MRPS27: variants seen among roughly 807,000 people sequenced by gnomAD.
MRPS27 encodes the protein small ribosomal subunit protein mS27.
A neutral mutation model predicts 48.9 loss-of-function variants in MRPS27; 43 were observed. The ratio of observed to expected loss-of-function variants is 0.88; its 90% confidence interval spans 0.69 to 1.13. MRPS27 has a LOEUF of 1.13. Among genes scored for constraint, MRPS27 ranks in the 50% most tolerant of loss-of-function variants. The probability of loss-of-function intolerance (pLI) is 0.00; values close to 1 mark genes in which losing one functional copy is unlikely to be tolerated. For synonymous variants in MRPS27, 188 were observed against 171.9 expected, an observed-to-expected ratio of 1.09 and a Z score of -0.73; for missense variants, 467 against 476.3, an observed-to-expected ratio of 0.98 and a Z score of 0.18.
At chr5:72,296,018 A>G (rs1406477460) in intron 3 of MRPS27, among the ~76,000 whole-genome samples, 3 of 152,142 alleles carry the variant, frequency 2.0e-5, no homozygotes, top group Non-Finnish European at 4.4e-5. Context: ...CCAGAACATA[A>G]ACATCTAAAT....
chr5:72,318,463 T>C (rs1750621456), intron 1 of MRPS27, among the ~76,000 whole-genome samples: 1 of 152,202 alleles, frequency 6.6e-6, no homozygotes, highest in Non-Finnish European at 1.5e-5. Context: ...CAGGACAATA[T>C]CTAGATCATT....
chr5:72,298,807 CA>C (rs1750054627), intron 2 of MRPS27, among the ~76,000 whole-genome samples: 1 of 151,550 alleles, frequency 6.6e-6, no homozygotes, highest in African/African-American at 2.4e-5. Context: ...AACATTCTAC[CA>C]AAAAGACATA....
At chr5:72,286,837 G>A (rs2112043896) in intron 4 of MRPS27, among the ~76,000 whole-genome samples, 2 of 152,296 alleles carry the variant, frequency 1.3e-5, no homozygotes, top group South Asian at 4.1e-4. Context: ...GGGTGATGGT[G>A]ATACCAAAAT....
intron 4 of MRPS27, among the ~76,000 whole-genome samples, chr5:72,249,366 A>G (rs1165014608): frequency 6.6e-6 from 1 of 152,218 alleles, no homozygotes; most frequent in East Asian, 1.9e-4. Flanking sequence ...TGCCTTCAAT[A>G]AGGTTAGATT....
chr5:72,247,255 G>A (rs139338010), intron 4 of MRPS27, among the ~76,000 whole-genome samples: 1 of 152,080 alleles, frequency 6.6e-6, no homozygotes, highest in Non-Finnish European at 1.5e-5. Context: ...AAATACACTT[G>A]AACTCTGGAC....
intron 2 of MRPS27, among the ~76,000 whole-genome samples, chr5:72,298,771 T>C (rs1437713820): frequency 1.3e-5 from 2 of 149,860 alleles, no homozygotes; most frequent in Non-Finnish European, 3.0e-5. Context: ...AATCCCATTA[T>C]TAGGTACATA....
chr5:72,263,173 A>C (rs1749026858), intron 4 of MRPS27, among the ~76,000 whole-genome samples: 1 of 152,088 alleles, frequency 6.6e-6, no homozygotes, highest in Non-Finnish European at 1.5e-5. Context: ...GATTTCCTTC[A>C]TCAGTAACAC....
At position 72,259,168 on chromosome 5, in the gene MRPS27, G is replaced by A. The variant is rs537544998; in HGVS notation, c.282-21040C>T. On this transcript the variant is annotated intron_variant, in intron 4 of 10. Coordinates refer to ENST00000261413, the MANE Select transcript of MRPS27 (RefSeq NM_015084.3). Reference sequence around the variant, plus strand: ...ATATCTGTTAGCCTATGTTCCACTCGGTTTAAAAATCCGATTCCCAGCTAG... The same window carrying A: ...ATATCTGTTAGCCTATGTTCCACTCAGTTTAAAAATCCGATTCCCAGCTAG... Among the ~76,000 whole-genome samples, 13 of 152,140 alleles carry A rather than the reference G, an allele frequency of 8.5e-5. No homozygotes were observed. The South Asian group carries it at 1.7e-3, about 19-fold the overall frequency.
chr5:72,304,830 A>G (rs1750217147), intron 2 of MRPS27, among the ~76,000 whole-genome samples: 1 of 152,210 alleles, frequency 6.6e-6, no homozygotes, highest in African/African-American at 2.4e-5. Context: ...TTTTCTACAT[A>G]ACTGCACATT....
At chr5:72,249,888 G>A (rs1409211446) in intron 4 of MRPS27, among the ~76,000 whole-genome samples, 1 of 151,960 alleles carries the variant, frequency 6.6e-6, no homozygotes, top group African/African-American at 2.4e-5. Context: ...GGAGGCTGAG[G>A]CAGGAGAATG....
intron 2 of MRPS27, 91 bp downstream of exon 2, chr5:72,313,990 C>T: frequency 2.1e-6 from 2 of 949,946 alleles, no homozygotes; most frequent in East Asian, 5.0e-5. Flanking sequence ...ATCATAAAAG[C>T]ATAATTTCAT....
At chr5:72,295,377 T>TA (rs1480527408) in intron 4 of MRPS27, 154 bp downstream of exon 4, 5 of 572,850 alleles carry the variant, frequency 8.7e-6, no homozygotes, top group East Asian at 5.9e-5. Flanking sequence ...AATGCAGTTA[T>TA]AAAAAATCAG....
At chr5:72,266,641 C>T (rs182501056) in intron 4 of MRPS27, among the ~76,000 whole-genome samples, 3 of 152,290 alleles carry the variant, frequency 2.0e-5, no homozygotes, top group East Asian at 1.9e-4. Context: ...GGGCAGATCA[C>T]GAGGTCAGGA....
At chr5:72,236,733 T>C (rs1423399032) in intron 5 of MRPS27, among the ~76,000 whole-genome samples, 1 of 152,060 alleles carries the variant, frequency 6.6e-6, no homozygotes, top group Non-Finnish European at 1.5e-5. Flanking sequence ...CTGTTCAGAC[T>C]GAGTCTTTGT....
At chr5:72,267,654 A>G (rs1284795516) in intron 4 of MRPS27, among the ~76,000 whole-genome samples, 1 of 152,228 alleles carries the variant, frequency 6.6e-6, no homozygotes, top group Admixed American at 6.5e-5. Flanking sequence ...AAATCAAATA[A>G]GATATAACCA....
chr5:72,289,236 T>C (rs1164607337), intron 4 of MRPS27, among the ~76,000 whole-genome samples: 1 of 152,168 alleles, frequency 6.6e-6, no homozygotes, highest in African/African-American at 2.4e-5. Context: ...GTACACAGCT[T>C]GCCACGCAAT....
At chr5:72,277,635 C>T (rs1749413483) in intron 4 of MRPS27, among the ~76,000 whole-genome samples, 1 of 152,034 alleles carries the variant, frequency 6.6e-6, no homozygotes, top group African/African-American at 2.4e-5. Context: ...AAGATACATG[C>T]ACGTTTATGT....
At chr5:72,239,355 A>G (rs1303920161) in intron 4 of MRPS27, among the ~76,000 whole-genome samples, 1 of 152,200 alleles carries the variant, frequency 6.6e-6, no homozygotes, top group African/African-American at 2.4e-5. Flanking sequence ...TAGGATATCT[A>G]TTAGTGCTCT....
At chr5:72,222,430 A>G (rs1269220616) in intron 10 of MRPS27, 3 of 152,256 alleles carry the variant, frequency 2.0e-5, no homozygotes, top group African/African-American at 7.2e-5. Context: ...ACATGTAGTT[A>G]GTAGTCAATA....
Sources: gnomAD v4.1 joint callset for allele counts (sites outside exome capture counted in the v4.1 genomes callset) on GRCh38, gnomAD v4.1.1 for gene constraint, MANE v1.5 for transcripts, NCBI Gene and HGNC (gene_info 2026-07-23, HGNC 2026-07-21) for gene names.